The following DEFB116 variants were observed in gnomAD, a reference collection of about 807,000 sequenced individuals.
The protein encoded by DEFB116 is defensin beta 116.
DEFB116 carries 5 observed loss-of-function variants against 2.8 expected under a neutral mutation model. That is an observed-to-expected ratio of 1.80 (90% CI 0.94 to 3.79). The LOEUF is 3.79. Ranked by LOEUF, DEFB116 falls within the 30% of genes most tolerant of loss-of-function variation. The pLI is 0.00. For missense variants in DEFB116, 170 were observed against 118.0 expected, an observed-to-expected ratio of 1.44 and a Z score of -2.04; for synonymous variants, 56 against 40.8, an observed-to-expected ratio of 1.37 and a Z score of -1.42.
chr20:31,304,935 A>G (rs4142627), intron 1 of DEFB116, among the ~76,000 whole-genome samples: 115,365 of 152,024 alleles, frequency 0.76, 44,382 homozygotes, highest in Non-Finnish European at 0.83. Flanking sequence ...AAAATGCCCA[A>G]TTTTAGGTGA....
intron 1 of DEFB116, among the ~76,000 whole-genome samples, chr20:31,305,564 T>C (rs1057481415): frequency 1.3e-5 from 2 of 152,120 alleles, no homozygotes; most frequent in Non-Finnish European, 2.9e-5. Context: ...TTGCCCTGCA[T>C]TGCCCCAAAT....
intron 1 of DEFB116, among the ~76,000 whole-genome samples, chr20:31,304,012 G>A (rs1402825517): frequency 1.3e-5 from 2 of 152,056 alleles, no homozygotes; most frequent in Non-Finnish European, 2.9e-5. Flanking sequence ...TTGTACATTG[G>A]CCTTACAGAA....
At chr20:31,304,028 TA>T (rs1984940469) in intron 1 of DEFB116, among the ~76,000 whole-genome samples, 1 of 152,112 alleles carries the variant, frequency 6.6e-6, no homozygotes, top group Admixed American at 6.6e-5. Context: ...CAGAAACAGG[TA>T]CTGTGCATAC....
chr20:31,303,506 A>G lies in DEFB116; in HGVS notation c.68-53T>C, dbSNP rs114994574. ...TCCATGCAGCAGTGATAATAGGGTG[A>G]TGAAGCATGATTTAAAGGAACACGC... On this transcript the variant is annotated intron_variant, in intron 1 of 1. Coordinates refer to ENST00000400549, the MANE Select transcript of DEFB116 (RefSeq NM_001037731.1). 2.0e-3 allele frequency: 3,119 copies of G among 1,595,920 alleles called. 49 individuals carry two copies. The African/African-American group carries it at 0.035, about 18-fold the overall frequency.
chr20:31,307,382 G>T (rs1985014785), intron 1 of DEFB116, among the ~76,000 whole-genome samples: 1 of 151,972 alleles, frequency 6.6e-6, no homozygotes. Context: ...TAATAAAATT[G>T]GATATTTATC....
rs760746434 is a variant in DEFB116, at chr20:31,308,558, T to C, written c.28A>G (p.Thr10Ala). 11 of 1,613,522 alleles carry C rather than the reference T, an allele frequency of 6.8e-6. No homozygotes were observed. Among genetic ancestry groups the C allele is most frequent in the Non-Finnish European group, 9.3e-6 (11 of 1,179,554 alleles). MSVMKPCLM[T>A]IAILMILAQK... ...GCCAGGATCATAAGGATGGCAATGGTCATTAAACAGGGCTTCATGACTGAC... is the reference window on the plus strand; with the variant it reads ...GCCAGGATCATAAGGATGGCAATGGCCATTAAACAGGGCTTCATGACTGAC... Residue 10 changes from threonine (T) to alanine (A), a missense_variant, in exon 1 of 2, where the codon ACC becomes GCC. Coordinates refer to ENST00000400549, the MANE Select transcript of DEFB116 (RefSeq NM_001037731.1).
chr20:31,305,865 T>A (rs891922616), intron 1 of DEFB116, among the ~76,000 whole-genome samples: 17 of 152,066 alleles, frequency 1.1e-4, no homozygotes, highest in African/African-American at 4.1e-4. Flanking sequence ...GAATTTCTGA[T>A]TCAGTATATC....
At chr20:31,303,777 T>C (rs915428575) in intron 1 of DEFB116, among the ~76,000 whole-genome samples, 3 of 152,128 alleles carry the variant, frequency 2.0e-5, no homozygotes, top group Admixed American at 6.6e-5. Context: ...TATTAGATGA[T>C]GTAGTTGATA....
chr20:31,304,791 C>T (rs1216523559), intron 1 of DEFB116, among the ~76,000 whole-genome samples: 1 of 152,004 alleles, frequency 6.6e-6, no homozygotes, highest in African/African-American at 2.4e-5. Context: ...GGACTCAGTG[C>T]TAAATAGATA....
chr20:31,305,966 A>G lies in DEFB116; in HGVS notation c.68-2513T>C, dbSNP rs75559489. ...TGCAGTGAAAGCCACGATTCTGCCTAGCCTTCTCACATTCAGCTATAGACA... is the reference window on the plus strand; with the variant it reads ...TGCAGTGAAAGCCACGATTCTGCCTGGCCTTCTCACATTCAGCTATAGACA... On this transcript the variant is annotated intron_variant, in intron 1 of 1. Coordinates refer to ENST00000400549, the MANE Select transcript of DEFB116 (RefSeq NM_001037731.1). 3.1e-3 allele frequency among the ~76,000 whole-genome samples: 471 copies of G among 152,212 alleles called. 9 individuals carry two copies. In the East Asian group the frequency reaches 0.047, roughly 15 times the overall value.
rs535347460 is a variant in DEFB116 at position 31,305,567 on chromosome 20, C to T, written c.68-2114G>A. ...TCTAACCTTAGATTGCCCTGCATTGCCCCAAATTTTGACATCCACATCAAA... is the reference window on the plus strand; with the variant it reads ...TCTAACCTTAGATTGCCCTGCATTGTCCCAAATTTTGACATCCACATCAAA... On this transcript the variant is annotated intron_variant, in intron 1 of 1. Transcript: ENST00000400549. 8.5e-5 allele frequency among the ~76,000 whole-genome samples: 13 copies of T among 152,174 alleles called. No individual in the cohort carries two copies. In the South Asian group the frequency reaches 2.3e-3, roughly 27 times the overall value.
At chr20:31,303,692 T>C (rs547814375) in intron 1 of DEFB116, among the ~76,000 whole-genome samples, 6 of 152,246 alleles carry the variant, frequency 3.9e-5, no homozygotes, top group African/African-American at 1.4e-4. Context: ...GCCAAGTTCC[T>C]AAGGTTTTAG....
At position 31,303,438 on chromosome 20, in the gene DEFB116, G is replaced by T; in HGVS notation, c.83C>A (p.Ser28Tyr). 6.2e-7 allele frequency: 1 copy of T among 1,613,418 alleles called. No homozygotes were observed. The change falls in exon 2 of 2, where the codon TCC (serine) becomes TAC (tyrosine). Residue 28 changes from serine to tyrosine, a missense_variant. Physicochemically the swap from Ser to Tyr is moderately radical, Grantham distance 144 (BLOSUM62 -2). Transcript: ENST00000400549. ...AQKTPGGLFR[S>Y]HNGKSREPWN... ...AGGCTCTCGGCTCTTGCCATTGTGG[G>T]ATCTGAACAGGCCACCTGGGAAAGA...
At chr20:31,307,621 A>C (rs1161667517) in intron 1 of DEFB116, among the ~76,000 whole-genome samples, 5 of 152,106 alleles carry the variant, frequency 3.3e-5, no homozygotes, top group Non-Finnish European at 5.9e-5. Flanking sequence ...CTACAAAATG[A>C]AGAAACAACC....
At chr20:31,304,173 T>C (rs979355828) in intron 1 of DEFB116, among the ~76,000 whole-genome samples, 1 of 152,088 alleles carries the variant, frequency 6.6e-6, no homozygotes, top group African/African-American at 2.4e-5. Context: ...ATATTGCTAA[T>C]TGCACCTTGA....
chr20:31,305,273 A>G (rs1984969022), intron 1 of DEFB116, among the ~76,000 whole-genome samples: 2 of 152,096 alleles, frequency 1.3e-5, no homozygotes, highest in Admixed American at 1.3e-4. Flanking sequence ...AGTGATATCC[A>G]TACTGTTCTG....
chr20:31,307,594 A>G (rs374482953), intron 1 of DEFB116, among the ~76,000 whole-genome samples: 40 of 152,232 alleles, frequency 2.6e-4, no homozygotes, highest in East Asian at 1.7e-3. Flanking sequence ...AAGTTTCTGC[A>G]CAGCAAAGGA....
intron 1 of DEFB116, 86 bp downstream of exon 1, chr20:31,308,433 T>C (rs1473556901): frequency 7.4e-7 from 1 of 1,346,500 alleles, no homozygotes; most frequent in Non-Finnish European, 1.1e-6. Flanking sequence ...TTGCCCACTA[T>C]ATGTGAGTAG....
chr20:31,307,497 G>A (rs1985018281), intron 1 of DEFB116, among the ~76,000 whole-genome samples: 3 of 152,058 alleles, frequency 2.0e-5, no homozygotes, highest in Admixed American at 1.3e-4. Context: ...GCTTCTTGAC[G>A]TTGGCCTTGG....
Sources: gnomAD v4.1 joint callset for allele counts (sites outside exome capture counted in the v4.1 genomes callset) on GRCh38, gnomAD v4.1.1 for gene constraint, MANE v1.5 for transcripts, NCBI Gene and HGNC (gene_info 2026-07-23, HGNC 2026-07-21) for gene names.